The following ALKBH4 variants were observed in gnomAD, a reference collection of about 807,000 sequenced individuals.
ALKBH4 encodes the protein alpha-ketoglutarate-dependent dioxygenase alkB homolog 4.
In ALKBH4, 8 loss-of-function variants were observed where a neutral mutation model predicts 12.1. The ratio of observed to expected loss-of-function variants is 0.66; its 90% CI spans 0.39 to 1.19. ALKBH4 has a LOEUF of 1.19. Among genes scored for constraint, ALKBH4 ranks in the 50% most tolerant of loss-of-function variants. The pLI, the probability that ALKBH4 is intolerant of heterozygous loss-of-function variation, is 0.01. For missense variants in ALKBH4, 403 were observed against 430.4 expected, an observed-to-expected ratio of 0.94 and a Z score of 0.56; for synonymous variants, 195 against 191.6, an observed-to-expected ratio of 1.02 and a Z score of -0.15.
At chr7:102,460,326 AAAAAAAAAAAAG>A (rs1223802465) in intron 1 of ALKBH4, among the ~76,000 whole-genome samples, 9 of 61,080 alleles carry the variant, frequency 1.5e-4, no homozygotes. Flanking sequence ...CCCTGTCTCA[AAAAAAAAAAAAG>A]AAAAAAAAAA....
Position 102,457,092 on chromosome 7 carries a change from G to A in ALKBH4, c.*302C>T, listed in dbSNP as rs1337966500. On this transcript the variant is annotated 3_prime_UTR_variant, in exon 3 of 3. Transcript: ENST00000292566. This position sits in a 1 kb window ranked among gnomAD's most constrained non-coding sequence, Gnocchi z 5.9. Reference sequence around the variant, plus strand: ...GATCCGCCCACCTCAGCCTCCCAAAGTGTTAGGATTACAGGTGTGAGCCAC... The same window carrying A: ...GATCCGCCCACCTCAGCCTCCCAAAATGTTAGGATTACAGGTGTGAGCCAC... 3.7e-5 allele frequency: 10 copies of A among 272,710 alleles called. No homozygotes were observed. Among genetic ancestry groups the A allele is most frequent in the Non-Finnish European group, 6.2e-5 (9 of 144,382 alleles). The allele number at this position is 272,710 out of a possible 1,614,324, so 16.9% of individuals were successfully genotyped here.
At chr7:102,460,024 G>C (rs554628234) in intron 1 of ALKBH4, among the ~76,000 whole-genome samples, 1 of 151,998 alleles carries the variant, frequency 6.6e-6, no homozygotes, top group African/African-American at 2.4e-5. Context: ...CATGGTGGCA[G>C]GTGCCTGTAA....
chr7:102,464,481 G>A (rs935878648), intron 1 of ALKBH4, among the ~76,000 whole-genome samples: 1 of 152,068 alleles, frequency 6.6e-6, no homozygotes, highest in African/African-American at 2.4e-5. Context: ...AGGTTTACAG[G>A]CAGATCCCCC....
intron 1 of ALKBH4, 112 bp downstream of exon 1, chr7:102,464,602 G>A (rs1477163664): frequency 2.2e-6 from 3 of 1,391,058 alleles, no homozygotes; most frequent in Non-Finnish European, 2.8e-6. Flanking sequence ...CACCCCTACC[G>A]TAAGGGTCCC....
At position 102,464,694 on chromosome 7, in the gene ALKBH4, G is replaced by T; in HGVS notation, c.123+20C>A. On this transcript the variant is annotated intron_variant, in intron 1 of 2. Coordinates refer to ENST00000292566, the MANE Select transcript of ALKBH4 (RefSeq NM_017621.4). ...ATGCAGAGCGACGTTTGTGGGCGCG[G>T]CCCCTCTCCCACCCCTTACCGCTGG... is the stretch of plus-strand genomic sequence containing the variant. 6.7e-7 allele frequency: 1 copy of T among 1,501,920 alleles called. No individual in the cohort carries two copies. Among genetic ancestry groups the T allele is most frequent in the African/African-American group, 1.5e-5 (1 of 68,346 alleles). The allele number at this position is 1,501,920 out of a possible 1,614,324, so 93.0% of individuals were successfully genotyped here.
In ALKBH4 at chr7:102,457,793, C is replaced by T. The variant is rs1797691447; in HGVS notation, c.510G>A (p.Leu170=). Residue 170 remains leucine, a synonymous_variant, in exon 3 of 3, where the codon CTG becomes CTA. Transcript: ENST00000292566. This position sits in a 1 kb window ranked among gnomAD's most constrained non-coding sequence, Gnocchi z 5.9. ...GCTCCCCCCACAGCCAGGCGTCGTC[C>T]AGGTGGGGGTCAATGGCAGAGCCCC... ...PERGSAIDPH[L]DDAWLWGERL... is the part of the protein sequence containing the mutation. The T allele has an allele frequency of 6.2e-7, 1 of 1,605,916 alleles. No homozygotes were observed. The highest frequency in any genetic ancestry group is 2.2e-5 in the East Asian group (1 of 44,782).
chr7:102,463,322 CT>C (rs71106683), intron 1 of ALKBH4, among the ~76,000 whole-genome samples: 5,540 of 57,964 alleles, frequency 0.096, 41 homozygotes, highest in South Asian at 0.16. Flanking sequence ...CAAGTCATCT[CT>C]TTTTTTTTTT....
At chr7:102,460,564 C>T (rs189226957) in intron 1 of ALKBH4, among the ~76,000 whole-genome samples, 2 of 152,162 alleles carry the variant, frequency 1.3e-5, no homozygotes, top group African/African-American at 4.8e-5. Context: ...CACTTTCCTC[C>T]CCTGTAAAAG....
intron 2 of ALKBH4, among the ~76,000 whole-genome samples, chr7:102,458,663 G>A (rs1241514191): frequency 6.6e-6 from 1 of 151,730 alleles, no homozygotes; most frequent in Non-Finnish European, 1.5e-5. Context: ...GCTAGAGCCT[G>A]GGGGGTCAAG....
Position 102,459,596 on chromosome 7 carries a change from C to T in ALKBH4, c.321+8G>A, listed in dbSNP as rs377405977. The T allele has an allele frequency of 1.4e-5, 22 of 1,609,786 alleles. No homozygotes were observed. The highest frequency in any genetic ancestry group is 9.4e-5 in the African/African-American group (7 of 74,840). ...CCAGCAACCCCCATGAGCTCAGGGC[C>T]GGTCTACCTGCTTCCTCCGTCCAGA... On this transcript the variant is annotated splice_region_variant and intron_variant, in intron 2 of 2. Coordinates refer to ENST00000292566, the MANE Select transcript of ALKBH4 (RefSeq NM_017621.4).
At chr7:102,464,656 TCA>T (rs1797895775) in intron 1 of ALKBH4, 56 bp downstream of exon 1, 14 of 1,466,746 alleles carry the variant, frequency 9.5e-6, no homozygotes, top group Non-Finnish European at 1.2e-5. Flanking sequence ...AAGCTGGACC[TCA>T]GTTTCCCCAG....
rs917034823 is a variant in ALKBH4, at chr7:102,464,016, G to A, written c.123+698C>T. Among the ~76,000 whole-genome samples the A allele has an allele frequency of 4.0e-5, 6 of 151,504 alleles. No homozygotes were observed. The East Asian group carries it at 5.8e-4, about 15-fold the overall frequency. On this transcript the variant is annotated intron_variant, in intron 1 of 2. Coordinates refer to ENST00000292566, the MANE Select transcript of ALKBH4 (RefSeq NM_017621.4). ...GTCCAGCCTGCTCAGCTGATGCACCGGGGAGCATCTGTGATCAGACCTCCC... is the reference window on the plus strand; with the variant it reads ...GTCCAGCCTGCTCAGCTGATGCACCAGGGAGCATCTGTGATCAGACCTCCC...
At chr7:102,464,173 G>A (rs1179140072) in intron 1 of ALKBH4, among the ~76,000 whole-genome samples, 1 of 152,106 alleles carries the variant, frequency 6.6e-6, no homozygotes, top group Non-Finnish European at 1.5e-5. Flanking sequence ...GCCCAAAGGC[G>A]CTGAGTTCTT....
chr7:102,461,829 C>T (rs1797804188), intron 1 of ALKBH4, among the ~76,000 whole-genome samples: 1 of 152,192 alleles, frequency 6.6e-6, no homozygotes, highest in Non-Finnish European at 1.5e-5. Flanking sequence ...GCCGGAGTCA[C>T]CCAGTGAGGA....
At chr7:102,461,796 G>C (rs1210779462) in intron 1 of ALKBH4, among the ~76,000 whole-genome samples, 1 of 152,168 alleles carries the variant, frequency 6.6e-6, no homozygotes, top group Non-Finnish European at 1.5e-5. Flanking sequence ...TAACTATCAT[G>C]GGCAGGAGGT....
At position 102,459,603 on chromosome 7, in the gene ALKBH4, C is replaced by T; in HGVS notation, c.321+1G>A. On this transcript the variant is annotated splice_donor_variant, in intron 2 of 2. Transcript: ENST00000292566. LOFTEE classifies it high-confidence loss of function. Reference sequence around the variant, plus strand: ...CCCCCATGAGCTCAGGGCCGGTCTACCTGCTTCCTCCGTCCAGACTGGGAG... The same window carrying T: ...CCCCCATGAGCTCAGGGCCGGTCTATCTGCTTCCTCCGTCCAGACTGGGAG... 1 of 1,612,036 alleles carries T rather than the reference C, an allele frequency of 6.2e-7. No individual in the cohort carries two copies. The highest frequency in any genetic ancestry group is 8.5e-7 in the Non-Finnish European group (1 of 1,178,830).
intron 1 of ALKBH4, among the ~76,000 whole-genome samples, chr7:102,463,892 A>G (rs1286856796): frequency 2.0e-5 from 3 of 152,130 alleles, no homozygotes; most frequent in African/African-American, 7.2e-5. Flanking sequence ...CCACACCTTC[A>G]TATCTGCCCG....
chr7:102,458,404 T>C (rs1797709336), intron 2 of ALKBH4, among the ~76,000 whole-genome samples: 1 of 152,064 alleles, frequency 6.6e-6, no homozygotes, highest in Non-Finnish European at 1.5e-5. Flanking sequence ...ACTCTGTCTC[T>C]AGTAACAAAA....
Position 102,457,629 on chromosome 7 carries a change from A to C in ALKBH4, c.674T>G (p.Val225Gly), listed in dbSNP as rs1417250363. The change falls in exon 3 of 3, where the codon GTG (valine) becomes GGG (glycine). Residue 225 changes from valine to glycine, a missense_variant. Val to Gly is a moderately radical substitution (Grantham distance 109). Coordinates refer to ENST00000292566, the MANE Select transcript of ALKBH4 (RefSeq NM_017621.4). This position sits in a 1 kb window ranked among gnomAD's most constrained non-coding sequence, Gnocchi z 5.9. ...VDSVIAPSRS[V>G]LCQEVEVAIP... ...GGCCACCTCCACCTCCTGGCATAGC[A>C]CCGACCGGCTGGGTGCTATCACGCT... 6.3e-7 allele frequency: 1 copy of C among 1,588,654 alleles called. No homozygotes were observed. The highest frequency in any genetic ancestry group is 1.3e-5 in the African/African-American group (1 of 74,752).
Sources: allele counts gnomAD v4.1 joint callset (sites outside exome capture counted in the v4.1 genomes callset), GRCh38; gene constraint gnomAD v4.1.1; non-coding constraint Gnocchi (gnomAD v3.1); transcripts MANE v1.5; gene names NCBI Gene and HGNC (gene_info 2026-07-23, HGNC 2026-07-21).